The following RAD51B variants were observed in gnomAD, a reference collection of about 807,000 sequenced individuals.
RAD51B encodes RAD51 paralog B.
Under a neutral mutation model 42.2 loss-of-function variants are expected in RAD51B, and 38 were observed. The observed-to-expected ratio is 0.90, with a 90% CI of 0.70 to 1.18. The LOEUF is 1.18. Ranked by LOEUF, RAD51B falls within the 50% of genes most tolerant of loss-of-function variation. RAD51B has a pLI of 0.00. For missense variants in RAD51B, 373 were observed against 400.7 expected, an observed-to-expected ratio of 0.93 and a Z score of 0.59; for synonymous variants, 154 against 145.2, an observed-to-expected ratio of 1.06 and a Z score of -0.43.
chr14:68,653,464 A>G (rs1892744644), intron 11 of RAD51B, among the ~76,000 whole-genome samples: 1 of 152,260 alleles, frequency 6.6e-6, no homozygotes, highest in African/African-American at 2.4e-5. Context: ...AGAGATACAC[A>G]GACTAGTCCA....
intron 10 of RAD51B, among the ~76,000 whole-genome samples, chr14:68,486,172 A>G (rs908027064): frequency 1.7e-4 from 26 of 152,318 alleles, no homozygotes; most frequent in African/African-American, 6.0e-4. Flanking sequence ...AACTCCGGGT[A>G]TGTCAAAGGT....
chr14:67,947,038 A>G (rs907681282), intron 7 of RAD51B, among the ~76,000 whole-genome samples: 9 of 152,184 alleles, frequency 5.9e-5, no homozygotes, highest in African/African-American at 1.9e-4. Context: ...TAATAATAAT[A>G]CCTATCAGAT....
intron 7 of RAD51B, among the ~76,000 whole-genome samples, chr14:68,289,401 A>G (rs2081474105): frequency 6.6e-6 from 1 of 152,194 alleles, no homozygotes; most frequent in African/African-American, 2.4e-5. Context: ...ACTGAACTTC[A>G]AAGCTCATAC....
At chr14:68,477,604 A>AT (rs556474946) in intron 10 of RAD51B, 44 bp from the exon 11 acceptor site, 9,592 of 1,199,336 alleles carry the variant, frequency 8.0e-3, no homozygotes, top group South Asian at 0.012. Flanking sequence ...TTTCATAACA[A>AT]TTTTTTTTTT....
intron 10 of RAD51B, among the ~76,000 whole-genome samples, chr14:68,566,212 A>G (rs544172865): frequency 6.6e-6 from 1 of 152,248 alleles, no homozygotes; most frequent in South Asian, 2.1e-4. Context: ...TGTTTTCTTT[A>G]CTGCTCTGTC....
chr14:68,552,343 G>A (rs1888618718), intron 10 of RAD51B, among the ~76,000 whole-genome samples: 1 of 152,136 alleles, frequency 6.6e-6, no homozygotes, highest in Non-Finnish European at 1.5e-5. Context: ...TATATTGCAG[G>A]GTGTGTAGCA....
At chr14:68,434,266 A>G (rs993234484) in intron 9 of RAD51B, among the ~76,000 whole-genome samples, 3 of 152,142 alleles carry the variant, frequency 2.0e-5, no homozygotes, top group Non-Finnish European at 4.4e-5. Flanking sequence ...ACTCTCTTCA[A>G]AACTGTCAGA....
At chr14:68,187,135 A>G (rs924059111) in intron 7 of RAD51B, among the ~76,000 whole-genome samples, 1 of 152,230 alleles carries the variant, frequency 6.6e-6, no homozygotes, top group African/African-American at 2.4e-5. Flanking sequence ...ATTCTCACTT[A>G]TAAGTGGAAG....
intron 7 of RAD51B, among the ~76,000 whole-genome samples, chr14:68,116,346 T>TAAAAAAAA (rs59572940): frequency 3.0e-5 from 4 of 135,262 alleles, no homozygotes; most frequent in African/African-American, 5.3e-5. Context: ...TTTAAAAGGT[T>TAAAAAAAA]AAAAAAAAAA....
At chr14:68,338,864 A>G (rs2082512805) in intron 8 of RAD51B, 1 of 623,556 alleles carries the variant, frequency 1.6e-6, no homozygotes, top group South Asian at 1.4e-5. Flanking sequence ...TGGTCCTGAT[A>G]GCTTCCACCA....
intron 4 of RAD51B, among the ~76,000 whole-genome samples, chr14:67,837,348 A>C (rs2041278667): frequency 6.6e-6 from 1 of 152,022 alleles, no homozygotes; most frequent in Non-Finnish European, 1.5e-5. Flanking sequence ...GAACTTAAGG[A>C]AGATTAACTG....
chr14:68,023,754 G>T (rs2075906561), intron 7 of RAD51B, among the ~76,000 whole-genome samples: 1 of 152,146 alleles, frequency 6.6e-6, no homozygotes, highest in East Asian at 1.9e-4. Flanking sequence ...ACCTCTGCTG[G>T]ATGCAGAGTT....
chr14:67,970,534 T>C (rs556302603), intron 7 of RAD51B, among the ~76,000 whole-genome samples: 3 of 152,174 alleles, frequency 2.0e-5, no homozygotes, highest in African/African-American at 7.2e-5. Context: ...TATTTTTATG[T>C]TTATTCATAT....
intron 7 of RAD51B, among the ~76,000 whole-genome samples, chr14:67,993,648 T>A (rs2075334328): frequency 6.6e-6 from 1 of 151,348 alleles, no homozygotes; most frequent in Non-Finnish European, 1.5e-5. Context: ...AGGTCTCCAA[T>A]AAATATGGGA....
intron 10 of RAD51B, among the ~76,000 whole-genome samples, chr14:68,642,844 G>C (rs1452025387): frequency 6.6e-6 from 1 of 152,122 alleles, no homozygotes; most frequent in Non-Finnish European, 1.5e-5. Flanking sequence ...TTTCGTCTAA[G>C]ATTTCTTTTT....
In RAD51B at chr14:67,906,912, C is replaced by T. The variant is rs559164534; in HGVS notation, c.756+19708C>T. Among the ~76,000 whole-genome samples, 188 of 152,012 alleles carry T rather than the reference C, an allele frequency of 1.2e-3. 5 individuals are homozygous for T. Among genetic ancestry groups the T allele is most frequent in the African/African-American group, 4.1e-3 (171 of 41,408 alleles). ...ACAACCTCTGCCTCCTGGGTTCAAG[C>T]GATTCTCCTGCCTCAGCCTCCTGAG... is the stretch of plus-strand genomic sequence containing the variant. On this transcript the variant is annotated intron_variant, in intron 7 of 10. Coordinates refer to ENST00000471583, the MANE Select transcript of RAD51B (RefSeq NM_133510.4).
At chr14:68,176,202 C>T (rs2078959605) in intron 7 of RAD51B, among the ~76,000 whole-genome samples, 2 of 152,160 alleles carry the variant, frequency 1.3e-5, no homozygotes, top group African/African-American at 4.8e-5. Flanking sequence ...CTTAGGCATG[C>T]ATCTTGGAAA....
intron 8 of RAD51B, among the ~76,000 whole-genome samples, chr14:68,327,918 AC>A (rs1315623763): frequency 9.2e-5 from 14 of 152,268 alleles, no homozygotes; most frequent in South Asian, 2.1e-4. Flanking sequence ...ATTCACTAAT[AC>A]GTATTTATTT....
intron 7 of RAD51B, among the ~76,000 whole-genome samples, chr14:67,970,449 G>C (rs1182953208): frequency 6.6e-6 from 1 of 151,304 alleles, no homozygotes; most frequent in Non-Finnish European, 1.5e-5. Context: ...TCCAACTCTT[G>C]TTTTTAGTCA....
Sources: gnomAD v4.1 joint callset for allele counts (sites outside exome capture counted in the v4.1 genomes callset) on GRCh38, gnomAD v4.1.1 for gene constraint, MANE v1.5 for transcripts, NCBI Gene and HGNC (gene_info 2026-07-23, HGNC 2026-07-21) for gene names.